DPEP1: variants seen among roughly 807,000 people sequenced by gnomAD.
DPEP1 encodes the protein beta-lactamase.
In DPEP1, 50 loss-of-function variants were observed where a neutral mutation model predicts 42.3. The ratio of observed to expected loss-of-function variants is 1.18; its 90% confidence interval spans 0.94 to 1.50. DPEP1 has a LOEUF of 1.50. Among genes scored for constraint, DPEP1 ranks in the 40% most tolerant of loss-of-function variants. The pLI is 0.00. For missense variants in DPEP1, 663 were observed against 553.0 expected, an observed-to-expected ratio of 1.20 and a Z score of -1.99; for synonymous variants, 297 against 234.0, an observed-to-expected ratio of 1.27 and a Z score of -2.46.
At chr16:89,637,113 A>C in intron 6 of DPEP1, 91 bp from the exon 7 acceptor site, 1 of 1,541,456 alleles carries the variant, frequency 6.5e-7, no homozygotes, top group Non-Finnish European at 8.7e-7. Flanking sequence ...TCCAGCCACG[A>C]AGGATGATGA....
chr16:89,631,721 G>T (rs552863761), intron 2 of DPEP1, among the ~76,000 whole-genome samples: 1 of 152,142 alleles, frequency 6.6e-6, no homozygotes, highest in African/African-American at 2.4e-5. Flanking sequence ...GCCAGGCATG[G>T]TGGCGCATGC....
At chr16:89,634,106 T>TTTTTTTTTG (rs2059627830) in intron 2 of DPEP1, among the ~76,000 whole-genome samples, 4 of 149,122 alleles carry the variant, frequency 2.7e-5, no homozygotes, top group South Asian at 2.1e-4. Flanking sequence ...TTTTTTTTTT[T>TTTTTTTTTG]TGGAGGGAGT....
rs1404103625 is a variant in DPEP1, at chr16:89,637,861, T to TC, written c.957dup (p.Lys320GlnfsTer8). ...GGTCCCTGAGGGGCTGGAGGACGTC[T>TC]CCAAGTATCCAGACCTGATCGCTGA... On this transcript the variant is annotated frameshift_variant, in exon 10 of 11. Coordinates refer to ENST00000690203, the MANE Select transcript of DPEP1 (RefSeq NM_001389466.1). LOFTEE classifies it high-confidence loss of function. The TC allele has an allele frequency of 9.9e-6, 16 of 1,612,572 alleles. No homozygotes were observed. The highest frequency in any genetic ancestry group is 1.4e-5 in the Non-Finnish European group (16 of 1,179,900).
At chr16:89,638,794 AC>A (rs199680983), downstream of DPEP1, among the ~76,000 whole-genome samples, 1 of 44,038 alleles carries the variant, frequency 2.3e-5, no homozygotes, top group Non-Finnish European at 4.2e-5. Flanking sequence ...CTGCACGCAC[AC>A]CCCCCACCCC....
chr16:89,641,425 C>T (rs968011752), downstream of DPEP1, among the ~76,000 whole-genome samples: 5 of 152,172 alleles, frequency 3.3e-5, no homozygotes, highest in South Asian at 2.1e-4. Flanking sequence ...ATCTTGTGGT[C>T]GCTTCTCACG....
chr16:89,616,704 G>A (rs906064604), intron 1 of DPEP1, among the ~76,000 whole-genome samples: 2 of 152,182 alleles, frequency 1.3e-5, no homozygotes, highest in Admixed American at 6.5e-5. Context: ...CACACTCCGC[G>A]AAGGGCAGTG....
intron 1 of DPEP1, among the ~76,000 whole-genome samples, chr16:89,621,410 G>A (rs1471121255): frequency 6.6e-6 from 1 of 152,152 alleles, no homozygotes; most frequent in East Asian, 1.9e-4. Flanking sequence ...TTACGGCTGG[G>A]CCTGCAGATT....
chr16:89,615,877 C>T (rs1364288598), intron 1 of DPEP1, among the ~76,000 whole-genome samples: 2 of 152,142 alleles, frequency 1.3e-5, no homozygotes, highest in Non-Finnish European at 2.9e-5. Flanking sequence ...CCAAGGCCCG[C>T]CCTGGCCTCT....
intron 1 of DPEP1, among the ~76,000 whole-genome samples, chr16:89,617,098 C>G (rs2055124000): frequency 6.6e-6 from 1 of 152,148 alleles, no homozygotes; most frequent in Non-Finnish European, 1.5e-5. Flanking sequence ...GAGGGTAGCA[C>G]AGGTCATTAC....
At chr16:89,615,654 A>G (rs1453432781) in intron 1 of DPEP1, among the ~76,000 whole-genome samples, 4 of 152,196 alleles carry the variant, frequency 2.6e-5, no homozygotes, top group Non-Finnish European at 1.5e-5. Context: ...TCTTGGGTGA[A>G]GTGAGCCCCC....
At chr16:89,621,786 CAT>C (rs1303261803) in intron 1 of DPEP1, among the ~76,000 whole-genome samples, 2 of 152,204 alleles carry the variant, frequency 1.3e-5, no homozygotes, top group Non-Finnish European at 2.9e-5. Context: ...AAAGTCTGCA[CAT>C]GTCTGTTCTA....
downstream of DPEP1, chr16:89,640,752 C>CAAAT: frequency 1.9e-6 from 1 of 515,006 alleles, no homozygotes; most frequent in Non-Finnish European, 2.5e-6. Flanking sequence ...TAGGGTCCTA[C>CAAAT]AGGGTCTGTA....
At chr16:89,637,157 C>T (rs1354151561) in intron 6 of DPEP1, 47 bp from the exon 7 acceptor site, 3 of 1,590,972 alleles carry the variant, frequency 1.9e-6, no homozygotes, top group Non-Finnish European at 2.6e-6. Context: ...ACCTCCGCAG[C>T]CCCGACCCTG....
rs754982470 is a variant in DPEP1 at position 89,637,702 on chromosome 16, T to C, written c.924T>C (p.Val308=). The part of the protein sequence containing the change: ...AVGFGGDFDG[V]PRVPEGLEDV... ...GTTTTGGTGGGGACTTTGATGGTGT[T>C]CCAAGGTAAGGGGCTGAGAGCTCTG... The change falls in exon 9 of 11, where the codon GTT becomes GTC. Residue 308 remains valine, a synonymous_variant. Transcript: ENST00000690203. The C allele has an allele frequency of 6.2e-7, 1 of 1,612,926 alleles. No homozygotes were observed. Among genetic ancestry groups the C allele is most frequent in the Non-Finnish European group, 8.5e-7 (1 of 1,179,950 alleles).
At chr16:89,629,299 G>A (rs2059554743) in intron 1 of DPEP1, among the ~76,000 whole-genome samples, 1 of 152,028 alleles carries the variant, frequency 6.6e-6, no homozygotes, top group Non-Finnish European at 1.5e-5. Context: ...CCAGGAGTTC[G>A]AGACCAGCCT....
chr16:89,641,180 C>T (rs1167154787), downstream of DPEP1, among the ~76,000 whole-genome samples: 1 of 152,040 alleles, frequency 6.6e-6, no homozygotes, highest in East Asian at 1.9e-4. Context: ...ACCGCTGAAA[C>T]ACAGCATCAC....
intron 2 of DPEP1, among the ~76,000 whole-genome samples, chr16:89,632,124 G>T (rs146571760): frequency 2.6e-5 from 4 of 152,020 alleles, no homozygotes; most frequent in Admixed American, 6.6e-5. Flanking sequence ...ATCTCAGCTC[G>T]CTGCAACCTC....
chr16:89,637,436 C>G lies in DPEP1; in HGVS notation c.769-32C>G, dbSNP rs151051841. On this transcript the variant is annotated intron_variant, in intron 7 of 10. Transcript: ENST00000690203. ...CCTCCCTGGGCAGGCCCTCCCAGCT[C>G]TCAGCTTCACCCTGTCTTCCTTCTT... The G allele has an allele frequency of 1.4e-5, 23 of 1,612,812 alleles. 1 individual carries two copies. The East Asian group carries it at 1.8e-4, about 12-fold the overall frequency.
intron 1 of DPEP1, among the ~76,000 whole-genome samples, chr16:89,624,537 G>GT (rs71389406): frequency 0.36 from 54,107 of 148,812 alleles, 11,137 homozygotes; most frequent in Middle Eastern, 0.6. Flanking sequence ...TCTGGGGTTT[G>GT]TTTTTTTTTT....
Sources: gnomAD v4.1 joint callset for allele counts (sites outside exome capture counted in the v4.1 genomes callset) on GRCh38, gnomAD v4.1.1 for gene constraint, MANE v1.5 for transcripts, NCBI Gene and HGNC (gene_info 2026-07-23, HGNC 2026-07-21) for gene names.